The following CFAP107 variants were observed in gnomAD, a reference collection of about 807,000 sequenced individuals.
CFAP107 encodes cilia- and flagella-associated protein 107.
At chr1:12,759,381 C>A in the CFAP107 span, 4 of 1,614,048 alleles carry the variant, frequency 2.5e-6, no homozygotes, top group African/African-American at 5.3e-5. Flanking sequence ...GCACCTATGA[C>A]GACCATTACA....
the CFAP107 span, among the ~76,000 whole-genome samples, chr1:12,750,407 G>C: frequency 6.6e-6 from 1 of 152,132 alleles, no homozygotes; most frequent in African/African-American, 2.4e-5. Flanking sequence ...AATGTAAATG[G>C]ATTAAACTTC....
chr1:12,757,391 T>G, the CFAP107 span, among the ~76,000 whole-genome samples: 2 of 68,400 alleles, frequency 2.9e-5, no homozygotes, highest in Admixed American at 1.2e-4. Flanking sequence ...TTTTCTTTTC[T>G]TTTTTTTTGA....
At chr1:12,759,190 G>A in the CFAP107 span, 20 of 1,152,824 alleles carry the variant, frequency 1.7e-5, no homozygotes, top group Admixed American at 1.3e-4. Context: ...GCCAGCCCAC[G>A]GATGCCCGCT....
At chr1:12,759,541 C>G in the CFAP107 span, 1 of 1,597,092 alleles carries the variant, frequency 6.3e-7, no homozygotes, top group African/African-American at 1.3e-5. Context: ...GTTGCACAGA[C>G]CAACGGAGCT....
chr1:12,746,560 T>TAC, the CFAP107 span: 1 of 1,570,782 alleles, frequency 6.4e-7, no homozygotes, highest in Non-Finnish European at 8.8e-7. Context: ...ACGAGAGAGG[T>TAC]TGGAGAGAGG....
the CFAP107 span, chr1:12,761,034 G>C: frequency 2.2e-6 from 3 of 1,345,420 alleles, no homozygotes; most frequent in Non-Finnish European, 3.0e-6. Flanking sequence ...AAGTGGCGCA[G>C]ATAAACTCAG....
chr1:12,758,751 C>T, the CFAP107 span, among the ~76,000 whole-genome samples: 1 of 152,192 alleles, frequency 6.6e-6, no homozygotes, highest in Non-Finnish European at 1.5e-5. Context: ...TTTCTTCTCA[C>T]TGTAAATTAC....
the CFAP107 span, among the ~76,000 whole-genome samples, chr1:12,758,727 A>T: frequency 6.6e-6 from 1 of 152,332 alleles, no homozygotes; most frequent in East Asian, 1.9e-4. Flanking sequence ...ATCCCAGAGT[A>T]AGGAGAACAT....
At chr1:12,754,234 T>TGATTAAAAAATG in the CFAP107 span, among the ~76,000 whole-genome samples, 2 of 152,304 alleles carry the variant, frequency 1.3e-5, no homozygotes, top group South Asian at 4.1e-4. Flanking sequence ...TAGGTATTTC[T>TGATTAAAAAATG]CCAAAGAAGA....
the CFAP107 span, chr1:12,755,952 G>T: frequency 1.6e-6 from 1 of 618,150 alleles, no homozygotes; most frequent in Non-Finnish European, 2.9e-6. Flanking sequence ...CAGCCCGGGG[G>T]CTGCAGATAG....
the CFAP107 span, among the ~76,000 whole-genome samples, chr1:12,751,449 A>C: frequency 1.3e-5 from 2 of 152,166 alleles, no homozygotes; most frequent in African/African-American, 4.8e-5. Flanking sequence ...CAACATGGCG[A>C]AATCCCGTCT....
chr1:12,757,753 C>T, the CFAP107 span, among the ~76,000 whole-genome samples: 1 of 152,126 alleles, frequency 6.6e-6, no homozygotes, highest in Admixed American at 6.6e-5. Flanking sequence ...GAACATAACC[C>T]TGCTTCCACA....
the CFAP107 span, among the ~76,000 whole-genome samples, chr1:12,757,199 C>T: frequency 2.0e-5 from 3 of 152,124 alleles, no homozygotes; most frequent in East Asian, 1.9e-4. Context: ...ATTTAGATAG[C>T]CTTTGGACCC....
the CFAP107 span, among the ~76,000 whole-genome samples, chr1:12,758,181 G>A: frequency 1.1e-4 from 16 of 151,634 alleles, no homozygotes; most frequent in Admixed American, 2.6e-4. Flanking sequence ...AGGGCATGGC[G>A]TGCCCTTCCT....
the CFAP107 span, among the ~76,000 whole-genome samples, chr1:12,757,279 C>G: frequency 7.2e-5 from 11 of 152,248 alleles, no homozygotes; most frequent in Non-Finnish European, 1.0e-4. Flanking sequence ...ACCACCCCCC[C>G]GCATTGTCAT....
the CFAP107 span, among the ~76,000 whole-genome samples, chr1:12,757,216 A>C: frequency 6.6e-6 from 1 of 152,162 alleles, no homozygotes; most frequent in African/African-American, 2.4e-5. Context: ...ACCCATTACA[A>C]GCTCTGACTA....
At chr1:12,755,605 T>C in the CFAP107 span, 2 of 814,568 alleles carry the variant, frequency 2.5e-6, no homozygotes, top group Non-Finnish European at 4.3e-6. Flanking sequence ...ACCTTTTCCC[T>C]ACCCATCTTC....
the CFAP107 span, among the ~76,000 whole-genome samples, chr1:12,753,136 G>A: frequency 6.6e-6 from 1 of 152,122 alleles, no homozygotes; most frequent in African/African-American, 2.4e-5. Flanking sequence ...AAAAAATAAA[G>A]TATTTAAGAG....
the CFAP107 span, among the ~76,000 whole-genome samples, chr1:12,749,247 A>C: frequency 6.6e-6 from 1 of 152,220 alleles, no homozygotes; most frequent in Non-Finnish European, 1.5e-5. Flanking sequence ...ATTGAAACCC[A>C]AAAACAAAGA....
Sources: gnomAD v4.1 joint callset for allele counts (sites outside exome capture counted in the v4.1 genomes callset) on GRCh38, gnomAD v4.1.1 for gene constraint, MANE v1.5 for transcripts, NCBI Gene and HGNC (gene_info 2026-07-23, HGNC 2026-07-21) for gene names.